KCNMA1: variants seen among roughly 807,000 people sequenced by gnomAD.
The protein encoded by KCNMA1 is Calcium-activated potassium channel subunit alpha-1.
KCNMA1 carries 29 observed loss-of-function variants against 140.0 expected under a neutral mutation model. That is an observed-to-expected ratio of 0.21 (90% CI 0.15 to 0.28). KCNMA1 has a LOEUF of 0.28. Among genes scored for constraint, KCNMA1 ranks in the 10% least tolerant of loss-of-function variants. KCNMA1 has a pLI of 1.00. For missense variants in KCNMA1, 880 were observed against 1,602.2 expected, an observed-to-expected ratio of 0.55 and a Z score of 7.70; for synonymous variants, 612 against 611.9, an observed-to-expected ratio of 1.00 and a Z score of 0.00.
At chr10:77,278,531 T>C (rs1341493427) in intron 2 of KCNMA1, among the ~76,000 whole-genome samples, 2 of 152,196 alleles carry the variant, frequency 1.3e-5, no homozygotes. Context: ...CTAATACTAC[T>C]TTCCTCTCTC....
At chr10:77,113,371 T>A (rs2097371365) in intron 6 of KCNMA1, among the ~76,000 whole-genome samples, 2 of 152,212 alleles carry the variant, frequency 1.3e-5, no homozygotes, top group Admixed American at 1.3e-4. Flanking sequence ...TTGACACCAC[T>A]CCTTTGTAAT....
chr10:77,492,170 T>A (rs535318179), intron 1 of KCNMA1, among the ~76,000 whole-genome samples: 1 of 152,324 alleles, frequency 6.6e-6, no homozygotes, highest in African/African-American at 2.4e-5. Context: ...ACACTGCTAA[T>A]GAAGGTCCCT....
At chr10:77,472,727 T>C (rs188547495) in intron 1 of KCNMA1, among the ~76,000 whole-genome samples, 137 of 152,364 alleles carry the variant, frequency 9.0e-4, no homozygotes, top group African/African-American at 2.9e-3. Context: ...TATCTGTGCG[T>C]GCAGAAGCAG....
At chr10:77,346,645 C>A (rs2092198506) in intron 2 of KCNMA1, among the ~76,000 whole-genome samples, 1 of 152,154 alleles carries the variant, frequency 6.6e-6, no homozygotes, top group Non-Finnish European at 1.5e-5. Flanking sequence ...CTTCTGGTCA[C>A]CTTGACTGTT....
intron 1 of KCNMA1, among the ~76,000 whole-genome samples, chr10:77,514,085 G>A (rs1161397839): frequency 1.3e-5 from 2 of 152,252 alleles, no homozygotes; most frequent in Non-Finnish European, 2.9e-5. Context: ...TGCCCGCCTG[G>A]CACCTGGGTC....
intron 2 of KCNMA1, among the ~76,000 whole-genome samples, chr10:77,324,489 T>A (rs1029651275): frequency 6.6e-6 from 1 of 152,214 alleles, no homozygotes; most frequent in South Asian, 2.1e-4. Flanking sequence ...CACTGTGAGA[T>A]GATAAAAGCA....
intron 25 of KCNMA1, among the ~76,000 whole-genome samples, chr10:76,896,507 G>A (rs928364611): frequency 6.6e-6 from 1 of 152,184 alleles, no homozygotes. Flanking sequence ...AGCTTACAAA[G>A]ATGATGGGAT....
chr10:77,572,231 G>A (rs1000361606), intron 1 of KCNMA1, among the ~76,000 whole-genome samples: 2 of 152,048 alleles, frequency 1.3e-5, no homozygotes, highest in Non-Finnish European at 2.9e-5. Context: ...AGTTGAAAAT[G>A]AGTGTAGGAT....
chr10:77,028,087 G>A (rs990826396), intron 15 of KCNMA1, among the ~76,000 whole-genome samples, 196 bp from the exon 16 acceptor site: 1 of 152,152 alleles, frequency 6.6e-6, no homozygotes, highest in Admixed American at 6.5e-5. Context: ...TCTTGCAAGT[G>A]ATAAGGTGCT....
At chr10:77,227,297 G>A (rs1228301991) in intron 3 of KCNMA1, among the ~76,000 whole-genome samples, 2 of 152,158 alleles carry the variant, frequency 1.3e-5, no homozygotes, top group African/African-American at 4.8e-5. Context: ...CCCAGGTTCT[G>A]GTTTTGAGGT....
chr10:77,367,362 G>A lies in KCNMA1; in HGVS notation c.540+36500C>T, dbSNP rs141364307. ...TTTATCTTGGAAGAACTATGGATCC[G>A]TTAAAGGTCTCTCAGCGTAGGAATG... On this transcript the variant is annotated intron_variant, in intron 2 of 27. Transcript: ENST00000286628. 7.3e-3 allele frequency among the ~76,000 whole-genome samples: 1,117 copies of A among 152,216 alleles called. 20 individuals are homozygous for A. Among genetic ancestry groups the A allele is most frequent in the African/African-American group, 0.025 (1,053 of 41,512 alleles).
At position 76,981,766 on chromosome 10, in the gene KCNMA1, C is replaced by T. The variant is rs539619597; in HGVS notation, c.2267-11699G>A. Among the ~76,000 whole-genome samples the T allele has an allele frequency of 4.6e-5, 7 of 152,328 alleles. No homozygotes were observed. In the South Asian group the frequency reaches 1.4e-3, roughly 32 times the overall value. On this transcript the variant is annotated intron_variant, in intron 19 of 27. Transcript: ENST00000286628. ...TAAAAAATCCCCTGGCACTTCTGAT[C>T]TCATGCCTTGCATTATTATAATTTG...
chr10:77,511,577 A>T (rs2048410302), intron 1 of KCNMA1, among the ~76,000 whole-genome samples: 1 of 152,196 alleles, frequency 6.6e-6, no homozygotes, highest in African/African-American at 2.4e-5. Flanking sequence ...GGCAATGCCT[A>T]GTTCATAGAA....
At chr10:77,398,193 T>A (rs375419303) in intron 2 of KCNMA1, among the ~76,000 whole-genome samples, 1 of 152,084 alleles carries the variant, frequency 6.6e-6, no homozygotes, top group Non-Finnish European at 1.5e-5. Flanking sequence ...CTTTCTTATA[T>A]AATGATTTCT....
intron 2 of KCNMA1, among the ~76,000 whole-genome samples, chr10:77,277,009 G>A (rs184739904): frequency 6.6e-5 from 10 of 152,188 alleles, no homozygotes; most frequent in East Asian, 1.9e-4. Context: ...GACACACAGC[G>A]GGGATTCTTC....
intron 13 of KCNMA1, among the ~76,000 whole-genome samples, chr10:77,076,000 C>A (rs545469218): frequency 7.2e-5 from 11 of 152,280 alleles, no homozygotes; most frequent in African/African-American, 2.2e-4. Context: ...ACCCCTCCCT[C>A]CTCTCATGGA....
At chr10:77,303,955 A>G (rs2077093319) in intron 2 of KCNMA1, among the ~76,000 whole-genome samples, 1 of 152,250 alleles carries the variant, frequency 6.6e-6, no homozygotes, top group African/African-American at 2.4e-5. Context: ...CACCCGTCTC[A>G]GATACTATCT....
At chr10:77,631,901 C>T (rs2093261550) in intron 1 of KCNMA1, among the ~76,000 whole-genome samples, 1 of 152,178 alleles carries the variant, frequency 6.6e-6, no homozygotes, top group Non-Finnish European at 1.5e-5. Flanking sequence ...GCCATAGGTT[C>T]TCAGTGTCCT....
At chr10:76,995,699 G>A in intron 19 of KCNMA1, 1 of 470,570 alleles carries the variant, frequency 2.1e-6, no homozygotes, top group South Asian at 1.6e-5. Flanking sequence ...AGTATCCTGA[G>A]AACCGGCCAC....
Sources: allele counts gnomAD v4.1 joint callset (sites outside exome capture counted in the v4.1 genomes callset), GRCh38; gene constraint gnomAD v4.1.1; transcripts MANE v1.5; gene names NCBI Gene and HGNC (gene_info 2026-07-23, HGNC 2026-07-21).